The following ZNF749 variants were observed in gnomAD, a reference collection of about 807,000 sequenced individuals.
ZNF749 encodes zinc finger protein 749.
Under a neutral mutation model 7.3 loss-of-function variants are expected in ZNF749, and 8 were observed. That is an observed-to-expected ratio of 1.10 (90% CI 0.64 to 1.98). The LOEUF (loss-of-function observed/expected upper bound fraction) is 1.98, where lower values mean the gene tolerates loss of function less well. Among genes scored for constraint, ZNF749 ranks in the 30% most tolerant of loss-of-function variants. The pLI is 0.00. For missense variants in ZNF749, 898 were observed against 932.4 expected (o/e 0.96, Z 0.48); for synonymous variants, 310 against 322.4 (o/e 0.96, Z 0.41).
At chr19:57,435,641 C>T (rs1478919955) in intron 1 of ZNF749, 48 bp downstream of exon 1, 1 of 1,590,664 alleles carries the variant, frequency 6.3e-7, no homozygotes, top group Non-Finnish European at 8.6e-7. Flanking sequence ...CCTCCCAGTG[C>T]TGAAGTCCCA....
chr19:57,429,386 T>G, the ZNF749 span, among the ~76,000 whole-genome samples: 1 of 152,366 alleles, frequency 6.6e-6, no homozygotes, highest in African/African-American at 2.4e-5. The surrounding 1 kb of genome is among the most constrained non-coding windows in gnomAD (Gnocchi z 4.2). Context: ...GGTGTGGAAC[T>G]ATCTTCATGA....
chr19:57,444,695 G>A lies in ZNF749; in HGVS notation c.1547G>A (p.Cys516Tyr). ...TGERPYECTQ[C>Y]AKAFVRKSHL... ...GAACGGCCTTATGAATGCACTCAAT[G>A]TGCGAAGGCCTTTGTTAGAAAGTCC... Residue 516 changes from cysteine (C) to tyrosine (Y), a missense_variant, in exon 3 of 3, where the codon TGT becomes TAT. Transcript: ENST00000334181. 6.2e-7 allele frequency: 1 copy of A among 1,613,518 alleles called. No individual in the cohort carries two copies. Among genetic ancestry groups the A allele is most frequent in the Non-Finnish European group, 8.5e-7 (1 of 1,179,848 alleles).
chr19:57,428,970 G>T, the ZNF749 span, among the ~76,000 whole-genome samples: 1 of 152,120 alleles, frequency 6.6e-6, no homozygotes, highest in Non-Finnish European at 1.5e-5. Flanking sequence ...TGCTAAGGCT[G>T]AATAATATTC....
At chr19:57,432,584 A>AAAAAG (rs1157181440), upstream of ZNF749, among the ~76,000 whole-genome samples, 1 of 116,578 alleles carries the variant, frequency 8.6e-6, no homozygotes, top group African/African-American at 3.2e-5. Context: ...AAAAAAAAAA[A>AAAAAG]GGTGGGGGGG....
rs1048974673 is a variant in ZNF749 at position 57,442,698 on chromosome 19, G to C, written c.143-593G>C. 3.9e-5 allele frequency among the ~76,000 whole-genome samples: 6 copies of C among 152,138 alleles called. No individual in the cohort carries two copies. The highest frequency in any genetic ancestry group is 7.2e-5 in the African/African-American group (3 of 41,444). ...AAGCTGGGAAAGGATGTGATATCAA[G>C]GCTGGGTTCAAATCACATTGAGAAC... On this transcript the variant is annotated intron_variant, in intron 2 of 2. Transcript: ENST00000334181. This position sits in a 1 kb window ranked among gnomAD's most constrained non-coding sequence, Gnocchi z 6.6.
Position 57,435,597 on chromosome 19 carries a change from C to T in ZNF749, c.15+4C>T, listed in dbSNP as rs759130618. The T allele has an allele frequency of 5.0e-6, 8 of 1,605,824 alleles. No individual in the cohort carries two copies. The highest frequency in any genetic ancestry group is 5.9e-6 in the Non-Finnish European group (7 of 1,177,252). ...CGCGCCGATGAACCTGACCGAGGTG[C>T]GTGCAGCGTCCCAGGCCGCCCCGCC... On this transcript the variant is annotated splice_donor_region_variant and intron_variant, in intron 1 of 2. Transcript: ENST00000334181.
At position 57,436,740 on chromosome 19, in the gene ZNF749, G is replaced by A. The variant is rs1304500195; in HGVS notation, c.15+1147G>A. Reference sequence around the variant, plus strand: ...GCTCCCTTTACTGCATTATATGGCAGGCTGACCTGTTTGCTGAACGGACCA... The same window carrying A: ...GCTCCCTTTACTGCATTATATGGCAAGCTGACCTGTTTGCTGAACGGACCA... On this transcript the variant is annotated intron_variant, in intron 1 of 2. Transcript: ENST00000334181. This position sits in a 1 kb window ranked among gnomAD's most constrained non-coding sequence, Gnocchi z 4.0. Among the ~76,000 whole-genome samples the A allele has an allele frequency of 1.3e-5, 2 of 152,210 alleles. No individual in the cohort carries two copies. The highest frequency in any genetic ancestry group is 2.9e-5 in the Non-Finnish European group (2 of 68,038).
Position 57,444,879 on chromosome 19 carries a change from C to T in ZNF749, c.1731C>T (p.Ile577=). Residue 577 remains isoleucine (I), a synonymous_variant, in exon 3 of 3, where the codon ATC becomes ATT. Transcript: ENST00000334181. ...CTCATCTAGATGGTCACCAGAAAAT[C>T]CAGACTGGAGAACGGCGTTATGAAT... The part of the protein sequence containing the change: ...TQAHLDGHQK[I]QTGERRYECN... 1.2e-6 allele frequency: 2 copies of T among 1,614,058 alleles called. No individual in the cohort carries two copies. Among genetic ancestry groups the T allele is most frequent in the South Asian group, 1.1e-5 (1 of 91,058 alleles).
the ZNF749 span, chr19:57,428,623 A>C: frequency 6.6e-6 from 1 of 151,636 alleles, no homozygotes; most frequent in African/African-American, 2.4e-5. Context: ...TATTATTTTG[A>C]CAAGATTTAA....
rs1165762087 is a variant in ZNF749, at chr19:57,443,479, C to T, written c.331C>T (p.Leu111=). 1 of 1,614,192 alleles carries T rather than the reference C, an allele frequency of 6.2e-7. No individual in the cohort carries two copies. The highest frequency in any genetic ancestry group is 1.7e-5 in the Admixed American group (1 of 60,030). Reference sequence around the variant, plus strand: ...CGATGGAACACACCCTGAGCAAGGGCTGTACACATGTGCAGCAGAGCATGA... The same window carrying T: ...CGATGGAACACACCCTGAGCAAGGGTTGTACACATGTGCAGCAGAGCATGA... ...EHDGTHPEQG[L]YTCAAEHDLH... The change falls in exon 3 of 3, where the codon CTG becomes TTG. Residue 111 remains leucine (L), a synonymous_variant. Transcript: ENST00000334181.
At chr19:57,440,705 C>T (rs1483021383) in intron 1 of ZNF749, among the ~76,000 whole-genome samples, 2 of 151,872 alleles carry the variant, frequency 1.3e-5, no homozygotes, top group Admixed American at 6.6e-5. Flanking sequence ...AAGCGAGATG[C>T]GAAGGTGAGG....
chr19:57,431,162 A>G (rs962219301), upstream of ZNF749, among the ~76,000 whole-genome samples: 2 of 152,200 alleles, frequency 1.3e-5, no homozygotes, highest in African/African-American at 4.8e-5. Flanking sequence ...AAATTGTTCA[A>G]TGGCTTTATT....
Position 57,435,475 on chromosome 19 carries a change from C to A in ZNF749, c.-104C>A. The stretch of plus-strand genomic sequence containing the variant: ...TTCCTTCTACACAGAGGCTAGAGTG[C>A]GGATCGGCTGAGTCGGCTGCAGGCG... On this transcript the variant is annotated 5_prime_UTR_variant, in exon 1 of 3. Transcript: ENST00000334181. The A allele has an allele frequency of 6.6e-7, 1 of 1,505,266 alleles. No individual in the cohort carries two copies. Among genetic ancestry groups the A allele is most frequent in the Non-Finnish European group, 9.0e-7 (1 of 1,112,408 alleles). 93.2% of individuals were successfully genotyped at this position (1,505,266 alleles called of 1,614,324 possible).
chr19:57,445,527 C>A lies in ZNF749; in HGVS notation c.*42C>A. 6.4e-7 allele frequency: 1 copy of A among 1,561,306 alleles called. No individual in the cohort carries two copies. The highest frequency in any genetic ancestry group is 1.2e-5 in the South Asian group (1 of 81,260). ...AAGTCACCAAAACTGTCACCTCATT[C>A]AGCACCAAAAGGTTCACATCGGACC... On this transcript the variant is annotated 3_prime_UTR_variant, in exon 3 of 3. Coordinates refer to ENST00000334181, the MANE Select transcript of ZNF749 (RefSeq NM_001023561.4).
upstream of ZNF749, among the ~76,000 whole-genome samples, chr19:57,430,971 CAG>C (rs776569062): frequency 2.8e-5 from 4 of 142,360 alleles, no homozygotes; most frequent in Non-Finnish European, 4.5e-5. Flanking sequence ...ACCCGGGAGG[CAG>C]AGATTGCAGT....
At chr19:57,443,201 T>G in intron 2 of ZNF749, 90 bp from the exon 3 acceptor site, 5 of 1,134,768 alleles carry the variant, frequency 4.4e-6, no homozygotes, top group Non-Finnish European at 6.4e-6. Flanking sequence ...TGTGCCCTCA[T>G]TTGTGGGTGT....
chr19:57,435,409 C>A lies in ZNF749; in HGVS notation c.-170C>A. ...TTTAGAGGGTCCCAGAGCTCTGGGT[C>A]GGGACTGAGGTGAAAGAGCGGAAAA... On this transcript the variant is annotated 5_prime_UTR_variant, in exon 1 of 3. Coordinates refer to ENST00000334181, the MANE Select transcript of ZNF749 (RefSeq NM_001023561.4). 1 of 954,436 alleles carries A rather than the reference C, an allele frequency of 1.0e-6. No individual in the cohort carries two copies. The highest frequency in any genetic ancestry group is 1.5e-5 in the South Asian group (1 of 67,500). The allele number at this position is 954,436 out of a possible 1,614,324, so 59.1% of individuals were successfully genotyped here. A position where few individuals can be genotyped will look rare whatever the true frequency, so the allele number is the denominator to read the frequency against.
Position 57,441,948 on chromosome 19 carries a change from G to A in ZNF749, c.79G>A (p.Asp27Asn). 1 of 1,614,194 alleles carries A rather than the reference G, an allele frequency of 6.2e-7. No individual in the cohort carries two copies. The highest frequency in any genetic ancestry group is 1.3e-5 in the African/African-American group (1 of 75,052). ...FSQEEWGILN[D>N]AQRHLHSNVM... Reference sequence around the variant, plus strand: ...CCAAGAGGAATGGGGGATCCTTAATGATGCTCAGAGACACCTGCACAGCAA... The same window carrying A: ...CCAAGAGGAATGGGGGATCCTTAATAATGCTCAGAGACACCTGCACAGCAA... Residue 27 changes from aspartate to asparagine, a missense_variant, in exon 2 of 3, where the codon GAT becomes AAT. Transcript: ENST00000334181.
chr19:57,435,155 G>A (rs550528072), upstream of ZNF749, among the ~76,000 whole-genome samples: 1 of 152,334 alleles, frequency 6.6e-6, no homozygotes, highest in South Asian at 2.1e-4. Context: ...AGCATTGTGA[G>A]GCGAGGCAGG....
Sources: gnomAD v4.1 joint callset for allele counts (sites outside exome capture counted in the v4.1 genomes callset) on GRCh38, gnomAD v4.1.1 for gene constraint, Gnocchi (gnomAD v3.1) non-coding constraint, MANE v1.5 for transcripts, NCBI Gene and HGNC (gene_info 2026-07-23, HGNC 2026-07-21) for gene names.